The following ZNF827 variants were observed in gnomAD, a reference collection of about 807,000 sequenced individuals.
ZNF827 encodes the protein zinc finger protein 827.
In ZNF827, 13 loss-of-function variants were observed where a neutral mutation model predicts 102.4. The observed-to-expected ratio is 0.13, with a 90% confidence interval of 0.08 to 0.20. ZNF827 has a LOEUF of 0.20. ZNF827 is among the 10% of genes least tolerant of loss of function. ZNF827 has a pLI of 1.00. For missense variants in ZNF827, 1,103 were observed against 1,344.4 expected (o/e 0.82, Z 2.81); for synonymous variants, 523 against 536.2 (o/e 0.98, Z 0.34).
intron 1 of ZNF827, among the ~76,000 whole-genome samples, chr4:145,915,572 T>C (rs997423840): frequency 6.6e-6 from 1 of 152,198 alleles, no homozygotes; most frequent in Non-Finnish European, 1.5e-5. Context: ...TACTGTTGCA[T>C]TGAGGATTGA....
In ZNF827 at chr4:145,902,762, A is replaced by G; in HGVS notation, c.497T>C (p.Leu166Pro). 1 of 1,613,990 alleles carries G rather than the reference A, an allele frequency of 6.2e-7. No individual in the cohort carries two copies. The highest frequency in any genetic ancestry group is 8.5e-7 in the Non-Finnish European group (1 of 1,179,996). The change falls in exon 2 of 15, where the codon CTC becomes CCC. Residue 166 changes from leucine to proline, a missense_variant. Leu to Pro is a moderately conservative substitution (Grantham distance 98). Transcript: ENST00000508784. This position sits in a 1 kb window ranked among gnomAD's most constrained non-coding sequence, Gnocchi z 4.3. ...GGCCAACTTCCTGGCCAGAACACTG[A>G]GCTGCTGGGCGTGGTGGGAAGGCGG... Reference protein sequence around the residue: ...FSPPSHHAQQLSVLARKLAEK... With the variant: ...FSPPSHHAQQPSVLARKLAEK...
intron 1 of ZNF827, 137 bp from the exon 2 acceptor site, chr4:145,903,352 C>G (rs542479437): frequency 3.1e-5 from 44 of 1,426,278 alleles, no homozygotes; most frequent in Non-Finnish European, 3.9e-5. Flanking sequence ...ACAGCCTTAA[C>G]AGAATGTCAG....
At chr4:145,858,134 AGTGTGTGTGTGTGTGTGTGT>A (rs10553157) in intron 5 of ZNF827, among the ~76,000 whole-genome samples, 42 of 147,102 alleles carry the variant, frequency 2.9e-4, no homozygotes, top group Non-Finnish European at 5.5e-4. Context: ...TGCATGTGTG[AGTGTGTGTGTGTGTGTGTGT>A]GTGTGTGTGT....
intron 8 of ZNF827, among the ~76,000 whole-genome samples, chr4:145,798,298 G>C (rs1357068194): frequency 6.6e-6 from 1 of 152,228 alleles, no homozygotes; most frequent in Non-Finnish European, 1.5e-5. Context: ...GAATGAATAT[G>C]TGTGGTTTAG....
At chr4:145,852,390 C>G (rs1045212458) in intron 5 of ZNF827, among the ~76,000 whole-genome samples, 1 of 152,164 alleles carries the variant, frequency 6.6e-6, no homozygotes, top group Non-Finnish European at 1.5e-5. Context: ...TTATGACAAC[C>G]CTTGCCCTTT....
intron 7 of ZNF827, among the ~76,000 whole-genome samples, chr4:145,827,015 G>A (rs1358492084): frequency 6.6e-6 from 1 of 152,086 alleles, no homozygotes; most frequent in East Asian, 1.9e-4. Context: ...CCAAAGTGCT[G>A]GGATTACAGG....
chr4:145,768,328 C>T (rs1379218414), intron 11 of ZNF827, among the ~76,000 whole-genome samples: 1 of 152,000 alleles, frequency 6.6e-6, no homozygotes, highest in Admixed American at 6.6e-5. Context: ...TCATGCCTGG[C>T]TAATTTTTGT....
At chr4:145,918,345 A>C (rs1752824148) in intron 1 of ZNF827, among the ~76,000 whole-genome samples, 1 of 149,194 alleles carries the variant, frequency 6.7e-6, no homozygotes, top group South Asian at 2.1e-4. Flanking sequence ...AAAAAAAAAA[A>C]AAAAAAAAAA....
At position 145,854,206 on chromosome 4, in the gene ZNF827, GAGA is replaced by G. The variant is rs1246825485; in HGVS notation, c.1982-4648_1982-4646del. On this transcript the variant is annotated intron_variant, in intron 5 of 14. Transcript: ENST00000508784. ...AAAGTTGGGCTGAGGAGAAATTCAG[GAGA>G]AGAAGTTCTGTGTTGCCTAAGTATT... Among the ~76,000 whole-genome samples, 8 of 152,096 alleles carry G rather than the reference GAGA, an allele frequency of 5.3e-5. No homozygotes were observed. In the East Asian group the frequency reaches 5.8e-4, roughly 11 times the overall value.
chr4:145,929,842 A>G lies in ZNF827; in HGVS notation c.43+8523T>C, dbSNP rs148802008. 3.0e-3 allele frequency among the ~76,000 whole-genome samples: 458 copies of G among 152,328 alleles called. 4 individuals carry two copies. The highest frequency in any genetic ancestry group is 0.021 in the East Asian group (107 of 5,192). ...GTATAATATTTACATTTGTATATGT[A>G]TTCAATTATTCCTTCTAATAGCTCT... On this transcript the variant is annotated intron_variant, in intron 1 of 14. Transcript: ENST00000508784.
At chr4:145,886,288 C>T (rs994557943) in intron 3 of ZNF827, 130 bp from the exon 4 acceptor site, 2 of 1,384,236 alleles carry the variant, frequency 1.4e-6, no homozygotes, top group Non-Finnish European at 1.9e-6. Context: ...CAGAGCATTT[C>T]ACTATGGGGC....
chr4:145,852,728 T>C (rs1421806345), intron 5 of ZNF827, among the ~76,000 whole-genome samples: 1 of 152,192 alleles, frequency 6.6e-6, no homozygotes, highest in African/African-American at 2.4e-5. Flanking sequence ...ACCCACTAGA[T>C]ACCAGTAGCA....
At chr4:145,849,763 T>G (rs1216024363) in intron 5 of ZNF827, among the ~76,000 whole-genome samples, 1 of 152,194 alleles carries the variant, frequency 6.6e-6, no homozygotes, top group Admixed American at 6.5e-5. Context: ...CAGTTTTTTT[T>G]AGCCCAGAGA....
chr4:145,885,645 AG>A (rs1750051909), intron 4 of ZNF827, 32 bp downstream of exon 4: 4 of 1,505,096 alleles, frequency 2.7e-6, no homozygotes, highest in East Asian at 2.3e-5. Flanking sequence ...AGAGAGAGAG[AG>A]AGAGAGAGAG....
intron 1 of ZNF827, among the ~76,000 whole-genome samples, chr4:145,932,151 G>A (rs1232228973): frequency 6.6e-6 from 1 of 152,162 alleles, no homozygotes; most frequent in African/African-American, 2.4e-5. Context: ...CTTGATCTTG[G>A]ACTTCCCAAC....
intron 4 of ZNF827, 101 bp from the exon 5 acceptor site, chr4:145,870,579 C>CAT: frequency 2.8e-6 from 3 of 1,063,108 alleles, no homozygotes; most frequent in Non-Finnish European, 4.1e-6. Flanking sequence ...TCACACTGTG[C>CAT]TAACAACCGG....
At chr4:145,919,880 A>G (rs1181042088) in intron 1 of ZNF827, among the ~76,000 whole-genome samples, 1 of 152,254 alleles carries the variant, frequency 6.6e-6, no homozygotes, top group African/African-American at 2.4e-5. Flanking sequence ...TGTATAGCAG[A>G]AAATCTATTT....
At chr4:145,764,933 G>A in intron 13 of ZNF827, 55 bp downstream of exon 13, 1 of 1,607,838 alleles carries the variant, frequency 6.2e-7, no homozygotes, top group Non-Finnish European at 8.5e-7. Context: ...GGTAGGGAAG[G>A]GGAAAGGGTA....
chr4:145,877,345 G>A (rs182192768), intron 4 of ZNF827, among the ~76,000 whole-genome samples: 2 of 152,278 alleles, frequency 1.3e-5, no homozygotes, highest in African/African-American at 4.8e-5. Context: ...GCACTATGAT[G>A]TGCTTTGGGT....
Sources: gnomAD v4.1 joint callset for allele counts (sites outside exome capture counted in the v4.1 genomes callset) on GRCh38, gnomAD v4.1.1 for gene constraint, Gnocchi (gnomAD v3.1) non-coding constraint, MANE v1.5 for transcripts, NCBI Gene and HGNC (gene_info 2026-07-23, HGNC 2026-07-21) for gene names.